ZFAT: variants seen among roughly 807,000 people sequenced by gnomAD.
ZFAT encodes the protein zinc finger and AT-hook domain containing, also known as zinc finger protein ZFAT.
ZFAT carries 64 observed loss-of-function variants against 117.7 expected under a neutral mutation model. The observed-to-expected ratio is 0.54, with a 90% CI of 0.44 to 0.67. ZFAT has a LOEUF of 0.67. Ranked by LOEUF, ZFAT falls within the 30% of genes least tolerant of loss-of-function variation. ZFAT has a pLI of 0.00. For missense variants in ZFAT, 1,433 were observed against 1,584.5 expected (o/e 0.90, Z 1.62); for synonymous variants, 679 against 615.0 (o/e 1.10, Z -1.54).
chr8:134,739,442 G>T, the ZFAT span, among the ~76,000 whole-genome samples: 1 of 152,158 alleles, frequency 6.6e-6, no homozygotes, highest in Admixed American at 6.5e-5. Context: ...ATCTGATTCT[G>T]CTACTAGTTA....
chr8:134,495,729 A>C (rs1269817994), intron 15 of ZFAT, among the ~76,000 whole-genome samples: 1 of 152,224 alleles, frequency 6.6e-6, no homozygotes, highest in Non-Finnish European at 1.5e-5. Flanking sequence ...CAGTAGCTCG[A>C]GACCAGCCTG....
chr8:134,554,513 C>A lies in ZFAT; in HGVS notation c.2976+10820G>T, dbSNP rs562817241. 9.9e-5 allele frequency among the ~76,000 whole-genome samples: 15 copies of A among 152,270 alleles called. No individual in the cohort carries two copies. The South Asian group carries it at 3.1e-3, about 32-fold the overall frequency. On this transcript the variant is annotated intron_variant, in intron 11 of 15. Coordinates refer to ENST00000377838, the MANE Select transcript of ZFAT (RefSeq NM_020863.4). The stretch of plus-strand genomic sequence containing the variant: ...CTTCCCTGTGAAATGGAGAACTTCA[C>A]CAAGGGCAAGAGGGTTGGGGGCTGA...
intron 8 of ZFAT, 66 bp from the exon 9 acceptor site, chr8:134,588,461 C>T: frequency 6.7e-7 from 1 of 1,483,310 alleles, no homozygotes; most frequent in Non-Finnish European, 9.0e-7. Flanking sequence ...ATAAATAAAC[C>T]TCATTGCTAA....
At chr8:134,519,717 T>C (rs1820509893) in intron 13 of ZFAT, among the ~76,000 whole-genome samples, 1 of 152,250 alleles carries the variant, frequency 6.6e-6, no homozygotes, top group South Asian at 2.1e-4. Context: ...CTCCACATGC[T>C]GTTAAAGAAC....
intron 1 of ZFAT, among the ~76,000 whole-genome samples, chr8:134,684,455 G>A (rs367834927): frequency 1.3e-5 from 2 of 152,290 alleles, no homozygotes; most frequent in East Asian, 1.9e-4. Flanking sequence ...CCTCAGACAC[G>A]TCAACTTGTC....
chr8:134,638,561 AAAACAAAAAAAAAAAAC>A (rs1830383723), intron 2 of ZFAT, among the ~76,000 whole-genome samples: 1 of 23,334 alleles, frequency 4.3e-5, no homozygotes, highest in African/African-American at 2.1e-4. Context: ...AAAAAAAAAC[AAAACAAAAAAAAAAAAC>A]ATTAACCAGG....
chr8:134,604,798 GT>G (rs1259445803), intron 5 of ZFAT, among the ~76,000 whole-genome samples: 3 of 152,234 alleles, frequency 2.0e-5, no homozygotes, highest in African/African-American at 7.2e-5. Context: ...AAATTTGGAA[GT>G]TACTAGTATG....
At chr8:134,826,180 C>G in the ZFAT span, among the ~76,000 whole-genome samples, 1 of 152,086 alleles carries the variant, frequency 6.6e-6, no homozygotes, top group Non-Finnish European at 1.5e-5. Flanking sequence ...AAATAGCAAA[C>G]GATTCAGCTA....
At chr8:134,712,723 C>CCGGCGGA in intron 1 of ZFAT, 122 bp downstream of exon 1, 1 of 728,916 alleles carries the variant, frequency 1.4e-6, no homozygotes. Context: ...CCCTCCGCGG[C>CCGGCGGA]CGGCGGCCGG....
chr8:134,624,804 G>T lies in ZFAT; in HGVS notation c.448+12657C>A, dbSNP rs141104394. On this transcript the variant is annotated intron_variant, in intron 3 of 15. Coordinates refer to ENST00000377838, the MANE Select transcript of ZFAT (RefSeq NM_020863.4). ...TCAAAGTATGTTGAATTGGAAGCAG[G>T]CAACTAAAGAGTTTAATGTAAATGC... 6.3e-4 allele frequency among the ~76,000 whole-genome samples: 96 copies of T among 152,298 alleles called. 1 individual carries two copies. The East Asian group carries it at 0.016, about 26-fold the overall frequency.
At chr8:134,821,637 G>A in the ZFAT span, among the ~76,000 whole-genome samples, 1 of 152,050 alleles carries the variant, frequency 6.6e-6, no homozygotes, top group Non-Finnish European at 1.5e-5. Context: ...AAGAGTTATT[G>A]TGTACAAGAA....
chr8:134,721,332 C>T, the ZFAT span, among the ~76,000 whole-genome samples: 1 of 152,244 alleles, frequency 6.6e-6, no homozygotes, highest in Non-Finnish European at 1.5e-5. Flanking sequence ...CCAGTGCCAA[C>T]TGCTGCACCT....
chr8:134,489,797 T>C (rs866471909), intron 15 of ZFAT, among the ~76,000 whole-genome samples: 1 of 152,190 alleles, frequency 6.6e-6, no homozygotes, highest in Non-Finnish European at 1.5e-5. Flanking sequence ...ACTAGACATA[T>C]CCATGTGGGT....
chr8:134,552,430 G>A (rs996780589), intron 11 of ZFAT, among the ~76,000 whole-genome samples: 15 of 152,168 alleles, frequency 9.9e-5, no homozygotes, highest in African/African-American at 3.6e-4. Context: ...TGAAATCGGT[G>A]ATTGAGATCT....
At chr8:134,565,011 C>T (rs551397589) in intron 11 of ZFAT, 1 of 1,297,676 alleles carries the variant, frequency 7.7e-7, no homozygotes, top group Admixed American at 2.4e-5. Context: ...GATCTGAAAG[C>T]AAAAATACGT....
intron 3 of ZFAT, among the ~76,000 whole-genome samples, chr8:134,613,045 G>A (rs1048502323): frequency 4.6e-5 from 7 of 152,286 alleles, no homozygotes; most frequent in African/African-American, 1.2e-4. Flanking sequence ...TGATACACAC[G>A]CATAAATAAC....
the ZFAT span, chr8:134,793,732 C>CGGGGA: frequency 2.0e-5 from 3 of 148,322 alleles, no homozygotes; most frequent in African/African-American, 7.4e-5. Flanking sequence ...GTCAAGAGTC[C>CGGGGA]GGGGGCTGGA....
chr8:134,779,538 G>C, the ZFAT span, among the ~76,000 whole-genome samples: 1 of 152,150 alleles, frequency 6.6e-6, no homozygotes, highest in Non-Finnish European at 1.5e-5. Flanking sequence ...CTGGGCAGTT[G>C]CAACACTCAT....
intron 1 of ZFAT, among the ~76,000 whole-genome samples, chr8:134,698,873 G>A (rs950685895): frequency 6.6e-6 from 1 of 152,134 alleles, no homozygotes; most frequent in Non-Finnish European, 1.5e-5. Flanking sequence ...CCCTTCTGTG[G>A]GCATTTCTTA....
Sources: gnomAD v4.1 joint callset for allele counts (sites outside exome capture counted in the v4.1 genomes callset) on GRCh38, gnomAD v4.1.1 for gene constraint, MANE v1.5 for transcripts, NCBI Gene and HGNC (gene_info 2026-07-23, HGNC 2026-07-21) for gene names.